The following CNTNAP2 variants were observed in gnomAD, a reference collection of about 807,000 sequenced individuals.
The protein encoded by CNTNAP2 is contactin-associated protein-like 2.
Under a neutral mutation model 155.2 loss-of-function variants are expected in CNTNAP2, and 98 were observed. That is an observed-to-expected ratio of 0.63 (90% CI 0.54 to 0.75). The LOEUF is 0.75. Among genes scored for constraint, CNTNAP2 ranks in the 30% least tolerant of loss-of-function variants. The pLI, the probability that CNTNAP2 is intolerant of heterozygous loss-of-function variation, is 0.00. For missense variants in CNTNAP2, 1,727 were observed against 1,688.1 expected (o/e 1.02, Z -0.40); for synonymous variants, 651 against 631.2 (o/e 1.03, Z -0.47).
intron 13 of CNTNAP2, among the ~76,000 whole-genome samples, chr7:147,861,795 C>T (rs922239738): frequency 5.9e-5 from 9 of 151,838 alleles, no homozygotes; most frequent in Admixed American, 3.3e-4. Flanking sequence ...GCATGAGGAT[C>T]GCTTGAGGTC....
chr7:146,646,343 CAT>C (rs1563170694), intron 1 of CNTNAP2, among the ~76,000 whole-genome samples: 2 of 152,052 alleles, frequency 1.3e-5, no homozygotes, highest in Admixed American at 1.3e-4. Flanking sequence ...TGCACGTGCA[CAT>C]GTGTATTTAT....
At chr7:147,908,630 T>C (rs374177868) in intron 14 of CNTNAP2, among the ~76,000 whole-genome samples, 8 of 152,228 alleles carry the variant, frequency 5.3e-5, no homozygotes, top group African/African-American at 1.7e-4. Context: ...TCAGTTTTTT[T>C]GTTTCTCCAA....
At chr7:146,761,229 A>T (rs971028769) in intron 1 of CNTNAP2, among the ~76,000 whole-genome samples, 2 of 152,070 alleles carry the variant, frequency 1.3e-5, no homozygotes, top group Admixed American at 6.6e-5. Flanking sequence ...GTAGAGTCAG[A>T]TATTAAACAA....
chr7:146,711,311 T>C (rs977715526), intron 1 of CNTNAP2, among the ~76,000 whole-genome samples: 1 of 141,028 alleles, frequency 7.1e-6, no homozygotes, highest in African/African-American at 2.6e-5. Context: ...ATGTATATAT[T>C]ATATGTGTAT....
Position 148,418,064 on chromosome 7 carries a change from C to G in CNTNAP2, c.*2448C>G, listed in dbSNP as rs1800034218. 1 of 152,192 alleles carries G rather than the reference C, an allele frequency of 6.6e-6. No individual in the cohort carries two copies. The highest frequency in any genetic ancestry group is 1.5e-5 in the Non-Finnish European group (1 of 68,054). The allele number at this position is 152,192 out of a possible 1,614,324, so 9.4% of individuals were successfully genotyped here. On this transcript the variant is annotated 3_prime_UTR_variant, in exon 24 of 24. Coordinates refer to ENST00000361727, the MANE Select transcript of CNTNAP2 (RefSeq NM_014141.6). ...AGAGGGTTACAATGTGGCCATCAGA[C>G]AGGAAACCAAACGGTGGATAAAGTA...
intron 15 of CNTNAP2, among the ~76,000 whole-genome samples, chr7:148,021,696 A>G (rs1802281689): frequency 6.6e-6 from 1 of 152,196 alleles, no homozygotes; most frequent in Non-Finnish European, 1.5e-5. Context: ...GGAACAGAGA[A>G]TGCAGACAGG....
intron 8 of CNTNAP2, among the ~76,000 whole-genome samples, chr7:147,223,683 C>T (rs1803456551): frequency 6.6e-6 from 1 of 152,154 alleles, no homozygotes. Flanking sequence ...TGGCTCACGC[C>T]TCTAATCCCA....
intron 1 of CNTNAP2, among the ~76,000 whole-genome samples, chr7:146,530,500 C>G (rs907711002): frequency 6.6e-6 from 1 of 152,030 alleles, no homozygotes; most frequent in Non-Finnish European, 1.5e-5. Flanking sequence ...GTCTAATATC[C>G]GTAATCTATA....
chr7:146,371,375 T>TTG (rs1554424472), intron 1 of CNTNAP2, among the ~76,000 whole-genome samples: 1 of 138,022 alleles, frequency 7.2e-6, no homozygotes, highest in African/African-American at 2.9e-5. Context: ...GTTTTTTTTT[T>TTG]TTTTTTTTTT....
At chr7:147,331,642 C>T (rs189765054) in intron 9 of CNTNAP2, among the ~76,000 whole-genome samples, 8 of 152,090 alleles carry the variant, frequency 5.3e-5, no homozygotes, top group Admixed American at 1.3e-4. Context: ...GTAGAGGGAT[C>T]GGCAGAGAAG....
intron 1 of CNTNAP2, among the ~76,000 whole-genome samples, chr7:146,304,824 C>A (rs1450775577): frequency 6.6e-6 from 1 of 152,088 alleles, no homozygotes; most frequent in Admixed American, 6.6e-5. Flanking sequence ...GCCTGCCTTG[C>A]TATTTTGGGG....
chr7:146,420,916 T>G (rs1201104834), intron 1 of CNTNAP2, among the ~76,000 whole-genome samples: 2 of 152,054 alleles, frequency 1.3e-5, no homozygotes, highest in African/African-American at 4.8e-5. Flanking sequence ...TTATGCAAGC[T>G]TTCACATTGG....
At chr7:148,106,237 A>G (rs1332082791) in intron 15 of CNTNAP2, among the ~76,000 whole-genome samples, 1 of 152,128 alleles carries the variant, frequency 6.6e-6, no homozygotes, top group Non-Finnish European at 1.5e-5. Flanking sequence ...GATCTCTACT[A>G]TGAGTTTAAG....
At chr7:148,370,609 T>C (rs1030915852) in intron 21 of CNTNAP2, among the ~76,000 whole-genome samples, 15 of 151,796 alleles carry the variant, frequency 9.9e-5, no homozygotes, top group Non-Finnish European at 1.2e-4. Flanking sequence ...TCTGAGGACT[T>C]GCCTTCTCCC....
chr7:146,454,378 C>T (rs1029417200), intron 1 of CNTNAP2, among the ~76,000 whole-genome samples: 26 of 152,004 alleles, frequency 1.7e-4, no homozygotes, highest in African/African-American at 5.6e-4. Flanking sequence ...AGTTTGTTTA[C>T]GCAGAAGCAA....
At chr7:147,858,780 T>A (rs1199741562) in intron 13 of CNTNAP2, among the ~76,000 whole-genome samples, 1 of 152,176 alleles carries the variant, frequency 6.6e-6, no homozygotes, top group African/African-American at 2.4e-5. Flanking sequence ...TAAGGATTGC[T>A]GGCAACTACC....
intron 9 of CNTNAP2, among the ~76,000 whole-genome samples, chr7:147,364,795 G>A (rs1288062271): frequency 1.3e-5 from 2 of 151,774 alleles, no homozygotes; most frequent in African/African-American, 4.8e-5. Flanking sequence ...CTTGCGGTGA[G>A]CCGAGATCGC....
intron 15 of CNTNAP2, chr7:147,978,255 T>A: frequency 6.3e-6 from 3 of 475,312 alleles, no homozygotes; most frequent in Non-Finnish European, 7.7e-6. Context: ...TATGATGATA[T>A]TAATAGCAAT....
At chr7:147,720,090 TC>T (rs1231909824) in intron 13 of CNTNAP2, among the ~76,000 whole-genome samples, 3 of 152,088 alleles carry the variant, frequency 2.0e-5, no homozygotes, top group Non-Finnish European at 4.4e-5. Flanking sequence ...TTTTCACTCT[TC>T]CCCAAGATTC....
Sources: gnomAD v4.1 joint callset for allele counts (sites outside exome capture counted in the v4.1 genomes callset) on GRCh38, gnomAD v4.1.1 for gene constraint, MANE v1.5 for transcripts, NCBI Gene and HGNC (gene_info 2026-07-23, HGNC 2026-07-21) for gene names.